Variants in MAGI1 observed in about 807,000 individuals in gnomAD.
MAGI1 encodes membrane associated guanylate kinase, WW and PDZ domain containing 1.
MAGI1 carries 58 observed loss-of-function variants against 139.9 expected under a neutral mutation model. That is an observed-to-expected ratio of 0.41 (90% confidence interval 0.34 to 0.52). The LOEUF (loss-of-function observed/expected upper bound fraction) is 0.52, where lower values mean the gene tolerates loss of function less well. MAGI1 is among the 20% of genes least tolerant of loss of function. MAGI1 has a pLI of 0.12. For missense variants in MAGI1, 1,874 were observed against 1,901.6 expected (o/e 0.99, Z 0.27); for synonymous variants, 812 against 737.9 (o/e 1.10, Z -1.63).
chr3:65,999,617 C>T (rs1388143319), intron 1 of MAGI1, among the ~76,000 whole-genome samples: 1 of 151,984 alleles, frequency 6.6e-6, no homozygotes, highest in Non-Finnish European at 1.5e-5. Context: ...TCGTTTTCTC[C>T]ATCTCAAATC....
intron 1 of MAGI1, among the ~76,000 whole-genome samples, chr3:65,807,593 T>C (rs561069205): frequency 9.0e-4 from 137 of 152,252 alleles, no homozygotes; most frequent in Middle Eastern, 6.8e-3. Flanking sequence ...TAACATGCTA[T>C]ATATTGCCAT....
intron 1 of MAGI1, among the ~76,000 whole-genome samples, chr3:65,981,585 G>A (rs1181618749): frequency 6.6e-6 from 1 of 152,164 alleles, no homozygotes; most frequent in Non-Finnish European, 1.5e-5. Flanking sequence ...TGGTTTGGCT[G>A]TGTCCTCACC....
At chr3:65,716,417 T>C (rs2032252517) in intron 1 of MAGI1, among the ~76,000 whole-genome samples, 1 of 152,180 alleles carries the variant, frequency 6.6e-6, no homozygotes, top group African/African-American at 2.4e-5. Flanking sequence ...CTAGGATAGA[T>C]TTATCAGTCA....
intron 1 of MAGI1, among the ~76,000 whole-genome samples, chr3:66,031,061 G>A (rs975847383): frequency 2.0e-5 from 3 of 152,174 alleles, no homozygotes; most frequent in Non-Finnish European, 4.4e-5. Context: ...GACCTCCATA[G>A]GGGAGAAGTC....
At chr3:65,365,098 GT>G in intron 18 of MAGI1, 152 bp from the exon 19 acceptor site, 1 of 782,380 alleles carries the variant, frequency 1.3e-6, no homozygotes. Flanking sequence ...ACAATTAGGA[GT>G]TTAATAAACC....
intron 1 of MAGI1, among the ~76,000 whole-genome samples, chr3:65,821,344 A>G (rs1034609079): frequency 2.0e-5 from 3 of 152,080 alleles, no homozygotes; most frequent in Admixed American, 6.5e-5. Flanking sequence ...GTCATAGCAT[A>G]TATGTTTATG....
intron 1 of MAGI1, among the ~76,000 whole-genome samples, chr3:65,932,936 T>A (rs1576130063): frequency 6.6e-6 from 1 of 152,106 alleles, no homozygotes; most frequent in Non-Finnish European, 1.5e-5. Context: ...CCAGACTACA[T>A]TTACTTAACA....
At chr3:65,941,149 C>A (rs552990737) in intron 1 of MAGI1, among the ~76,000 whole-genome samples, 1 of 152,142 alleles carries the variant, frequency 6.6e-6, no homozygotes, top group African/African-American at 2.4e-5. Flanking sequence ...AGTTCGAGAC[C>A]AGCCTGGCCA....
chr3:65,401,374 C>A, intron 13 of MAGI1, 65 bp downstream of exon 13: 1 of 985,888 alleles, frequency 1.0e-6, no homozygotes, highest in Non-Finnish European at 1.6e-6. Context: ...GAGTACCCTC[C>A]CACCTCCAGC....
Position 66,018,119 on chromosome 3 carries a change from G to T in MAGI1, c.313+19877C>A, listed in dbSNP as rs116225318. Among the ~76,000 whole-genome samples the T allele has an allele frequency of 2.3e-5, 3 of 132,464 alleles. 1 individual carries two copies. The highest frequency in any genetic ancestry group is 7.7e-5 in the African/African-American group (3 of 38,818). The allele number at this position is 132,464 out of a possible 152,430, so 86.9% of individuals were successfully genotyped here. The stretch of plus-strand genomic sequence containing the variant: ...ATAAGGAAGGACACTTTGGTGGGGG[G>T]GGGGGGTGTCTGCACATGCCCATTT... On this transcript the variant is annotated intron_variant, in intron 1 of 22. Coordinates refer to ENST00000402939, the MANE Select transcript of MAGI1 (RefSeq NM_001033057.2).
chr3:65,945,685 TC>T (rs2063515794), intron 1 of MAGI1, among the ~76,000 whole-genome samples: 1 of 152,228 alleles, frequency 6.6e-6, no homozygotes, highest in Admixed American at 6.5e-5. Flanking sequence ...TTTCTGTATC[TC>T]ACTTCCGATT....
At chr3:65,673,110 T>C (rs985518322) in intron 1 of MAGI1, among the ~76,000 whole-genome samples, 1 of 152,184 alleles carries the variant, frequency 6.6e-6, no homozygotes, top group Admixed American at 6.5e-5. Flanking sequence ...TGCCTGGGCT[T>C]GCGAGTTTTT....
chr3:65,375,397 CA>C (rs1425628714), intron 18 of MAGI1, among the ~76,000 whole-genome samples: 9 of 152,056 alleles, frequency 5.9e-5, no homozygotes, highest in Admixed American at 2.0e-4. Flanking sequence ...CCGTGTTAGC[CA>C]GGATGGTCTC....
chr3:65,498,581 T>A (rs1002627844), intron 2 of MAGI1, among the ~76,000 whole-genome samples: 1 of 152,166 alleles, frequency 6.6e-6, no homozygotes, highest in Non-Finnish European at 1.5e-5. Flanking sequence ...TAAGGATTAT[T>A]ATTACCCTCA....
intron 12 of MAGI1, among the ~76,000 whole-genome samples, chr3:65,403,393 T>C (rs138342440): frequency 2.4e-4 from 36 of 152,326 alleles, no homozygotes; most frequent in African/African-American, 8.7e-4. Context: ...AATAACTGTG[T>C]TGAACAATTT....
chr3:65,549,495 G>A (rs953421361), intron 2 of MAGI1: 15 of 985,210 alleles, frequency 1.5e-5, no homozygotes, highest in Admixed American at 6.1e-5. Flanking sequence ...TCATCCCCGC[G>A]CGTCTGAGCG....
At chr3:66,004,169 T>C (rs889095397) in intron 1 of MAGI1, among the ~76,000 whole-genome samples, 10 of 152,168 alleles carry the variant, frequency 6.6e-5, no homozygotes, top group African/African-American at 1.9e-4. Context: ...TGGTTACTAA[T>C]GCTCCAAAAT....
chr3:65,359,697 T>C (rs1182054671), intron 22 of MAGI1: 20 of 986,536 alleles, frequency 2.0e-5, no homozygotes, highest in Non-Finnish European at 2.4e-5. Flanking sequence ...CATGGAGACA[T>C]TACAGTAGCA....
At chr3:65,948,932 C>G (rs2063667233) in intron 1 of MAGI1, among the ~76,000 whole-genome samples, 1 of 152,192 alleles carries the variant, frequency 6.6e-6, no homozygotes, top group Non-Finnish European at 1.5e-5. Context: ...GAATTCTCCA[C>G]AGTCTCTTCC....
Sources: allele counts gnomAD v4.1 joint callset (sites outside exome capture counted in the v4.1 genomes callset), GRCh38; gene constraint gnomAD v4.1.1; transcripts MANE v1.5; gene names NCBI Gene and HGNC (gene_info 2026-07-23, HGNC 2026-07-21).